ZNF704: variants seen among roughly 807,000 people sequenced by gnomAD.
The protein encoded by ZNF704 is zinc finger protein 704.
A neutral mutation model predicts 44.7 loss-of-function variants in ZNF704; 10 were observed. The ratio of observed to expected loss-of-function variants is 0.22; its 90% CI spans 0.14 to 0.38. ZNF704 has a LOEUF of 0.38. ZNF704 is among the 10% of genes least tolerant of loss of function. ZNF704 has a pLI of 1.00. For synonymous variants in ZNF704, 211 were observed against 207.6 expected, an observed-to-expected ratio of 1.02 and a Z score of -0.14; for missense variants, 390 against 545.5, an observed-to-expected ratio of 0.71 and a Z score of 2.84.
upstream of ZNF704, among the ~76,000 whole-genome samples, chr8:80,879,548 A>G (rs1338711274): frequency 1.3e-5 from 2 of 152,166 alleles, no homozygotes; most frequent in Non-Finnish European, 2.9e-5. Flanking sequence ...AGCCAATTCT[A>G]GGTGCTGTCT....
chr8:80,845,822 T>C (rs1808759267), intron 1 of ZNF704, among the ~76,000 whole-genome samples: 1 of 152,122 alleles, frequency 6.6e-6, no homozygotes, highest in Non-Finnish European at 1.5e-5. Context: ...GTGTCTGATA[T>C]TCCTAATTCA....
intron 1 of ZNF704, among the ~76,000 whole-genome samples, chr8:80,824,600 G>A (rs1358634293): frequency 6.6e-6 from 1 of 152,126 alleles, no homozygotes; most frequent in Non-Finnish European, 1.5e-5. Flanking sequence ...CTTGAGAAGA[G>A]CAACTCCAAG....
At chr8:80,662,623 T>G (rs1336524819) in intron 6 of ZNF704, among the ~76,000 whole-genome samples, 9 of 152,212 alleles carry the variant, frequency 5.9e-5, no homozygotes, top group Admixed American at 5.9e-4. Context: ...GCTAAATTTT[T>G]CCTCTATAGG....
chr8:80,718,324 T>C (rs1263288909), intron 2 of ZNF704, among the ~76,000 whole-genome samples: 1 of 152,210 alleles, frequency 6.6e-6, no homozygotes, highest in Non-Finnish European at 1.5e-5. Flanking sequence ...CTTTGAACTT[T>C]TATTATCTTA....
chr8:80,724,811 C>G (rs1040281029), intron 2 of ZNF704, among the ~76,000 whole-genome samples: 2 of 152,138 alleles, frequency 1.3e-5, no homozygotes, highest in African/African-American at 4.8e-5. Flanking sequence ...AAAACGATAA[C>G]CCCTTAACTG....
At chr8:80,789,128 AAAAC>A (rs1435208502) in intron 2 of ZNF704, among the ~76,000 whole-genome samples, 2 of 152,228 alleles carry the variant, frequency 1.3e-5, no homozygotes, top group Non-Finnish European at 2.9e-5. Context: ...AAACCATAAG[AAAAC>A]AACTCCAAAA....
chr8:80,641,569 GAA>G (rs60295176), intron 8 of ZNF704, 92 bp from the exon 9 acceptor site: 10,731 of 354,088 alleles, frequency 0.03, no homozygotes, highest in East Asian at 0.04. Flanking sequence ...AGTGAGGGAG[GAA>G]AAAAAAAAAA....
intron 2 of ZNF704, among the ~76,000 whole-genome samples, chr8:80,697,908 A>C (rs982472240): frequency 5.3e-5 from 8 of 152,204 alleles, no homozygotes; most frequent in African/African-American, 1.9e-4. Context: ...TAATGAAAAG[A>C]CTGCTATAAC....
intron 6 of ZNF704, among the ~76,000 whole-genome samples, chr8:80,663,878 C>T (rs1184308085): frequency 4.0e-5 from 6 of 151,856 alleles, no homozygotes; most frequent in African/African-American, 1.5e-4. Flanking sequence ...TACAGGTACG[C>T]ACCACCATGC....
intron 7 of ZNF704, among the ~76,000 whole-genome samples, chr8:80,643,811 A>T (rs1026241085): frequency 1.3e-5 from 2 of 152,176 alleles, no homozygotes; most frequent in Admixed American, 6.5e-5. Context: ...AAGGCTCATG[A>T]TTCCCTTTTT....
chr8:80,748,006 T>C (rs765580746), intron 2 of ZNF704, among the ~76,000 whole-genome samples: 1 of 152,168 alleles, frequency 6.6e-6, no homozygotes, highest in Non-Finnish European at 1.5e-5. Flanking sequence ...TGAGCCACCA[T>C]GAAAAAATGT....
chr8:80,738,762 C>T (rs1258195339), intron 2 of ZNF704, among the ~76,000 whole-genome samples: 3 of 152,118 alleles, frequency 2.0e-5, no homozygotes, highest in Admixed American at 2.0e-4. Context: ...ATACTTCTGT[C>T]TCCCCTGAGC....
At chr8:80,672,546 G>A (rs1218243406) in intron 4 of ZNF704, among the ~76,000 whole-genome samples, 1 of 152,158 alleles carries the variant, frequency 6.6e-6, no homozygotes, top group East Asian at 1.9e-4. Context: ...TAAATAAAAT[G>A]TGTTACACAT....
rs1817664819 is a variant in ZNF704 at position 80,636,507 on chromosome 8, A to G, written c.*4859T>C. On this transcript the variant is annotated 3_prime_UTR_variant, in exon 9 of 9. Coordinates refer to ENST00000327835, the MANE Select transcript of ZNF704 (RefSeq NM_001033723.3). ...ACAACTGGTACCTAAAAAAAGTGCT[A>G]ATCTCATTTTATTTACTGACTTCAG... The G allele has an allele frequency of 6.6e-6, 1 of 152,218 alleles. No individual in the cohort carries two copies. Among genetic ancestry groups the G allele is most frequent in the Non-Finnish European group, 1.5e-5 (1 of 68,046 alleles). 9.4% of individuals were successfully genotyped at this position (152,218 alleles called of 1,614,324 possible). A position where few individuals can be genotyped will look rare whatever the true frequency, so the allele number is the denominator to read the frequency against.
chr8:80,693,182 T>C (rs755404929), intron 2 of ZNF704, 75 bp from the exon 3 acceptor site: 13 of 1,251,720 alleles, frequency 1.0e-5, no homozygotes, highest in Non-Finnish European at 1.3e-5. Flanking sequence ...TGACACGCTG[T>C]CACGCATTTA....
intron 2 of ZNF704, among the ~76,000 whole-genome samples, chr8:80,709,109 A>G (rs1818942228): frequency 6.6e-6 from 1 of 152,160 alleles, no homozygotes; most frequent in South Asian, 2.1e-4. Flanking sequence ...TCTACCATAG[A>G]CAGAAATAAG....
chr8:80,844,606 TAC>T (rs1261610579), intron 1 of ZNF704, among the ~76,000 whole-genome samples: 2 of 152,178 alleles, frequency 1.3e-5, no homozygotes, highest in Admixed American at 6.5e-5. Context: ...GCTTTACCAT[TAC>T]ACTCTGGAAG....
At chr8:80,764,860 C>A (rs1394665311) in intron 2 of ZNF704, among the ~76,000 whole-genome samples, 4 of 152,112 alleles carry the variant, frequency 2.6e-5, no homozygotes, top group Admixed American at 2.6e-4. Flanking sequence ...ATAAGAAATA[C>A]AGTAAGAAGG....
At chr8:80,844,017 G>T (rs995856281) in intron 1 of ZNF704, among the ~76,000 whole-genome samples, 2 of 150,842 alleles carry the variant, frequency 1.3e-5, no homozygotes, top group Admixed American at 1.3e-4. Flanking sequence ...ATATGTGTGT[G>T]TCACTAAAAG....
Sources: allele counts gnomAD v4.1 joint callset (sites outside exome capture counted in the v4.1 genomes callset), GRCh38; gene constraint gnomAD v4.1.1; transcripts MANE v1.5; gene names NCBI Gene and HGNC (gene_info 2026-07-23, HGNC 2026-07-21).